The following ZYX variants were observed in gnomAD, a reference collection of about 807,000 sequenced individuals.
ZYX encodes the protein zyxin-2.
In ZYX, 37 loss-of-function variants were observed where a neutral mutation model predicts 58.1. That is an observed-to-expected ratio of 0.64 (90% CI 0.49 to 0.84). The LOEUF (loss-of-function observed/expected upper bound fraction) is 0.84. ZYX is among the 40% of genes least tolerant of loss of function. The pLI is 0.00. For missense variants in ZYX, 762 were observed against 761.6 expected, an observed-to-expected ratio of 1.00 and a Z score of -0.01; for synonymous variants, 324 against 321.1, an observed-to-expected ratio of 1.01 and a Z score of -0.10.
Position 143,384,321 on chromosome 7 carries a change from C to T in ZYX, c.1023+999C>T, listed in dbSNP as rs575772466. ...GAAAGGCTTCGAAGGATGGGCAGGA[C>T]GTAAGAATCCAGAGAGGAGAGGGAT... On this transcript the variant is annotated intron_variant, in intron 5 of 9. Coordinates refer to ENST00000322764, the MANE Select transcript of ZYX (RefSeq NM_003461.5). This position sits in a 1 kb window ranked among gnomAD's most constrained non-coding sequence, Gnocchi z 4.9. 23 of 465,984 alleles carry T rather than the reference C, an allele frequency of 4.9e-5. No homozygotes were observed. Among genetic ancestry groups the T allele is most frequent in the East Asian group, 3.5e-4 (5 of 14,296 alleles). The allele number at this position is 465,984 out of a possible 1,614,324, so 28.9% of individuals were successfully genotyped here.
Position 143,381,379 on chromosome 7 carries a change from C to T in ZYX, c.-46C>T, listed in dbSNP as rs1370402415. Reference sequence around the variant, plus strand: ...GCGGACCCGGCGCCGAGGCGGCCACCCGAGACGCGGCGCGCACGCTCCGGC... The same window carrying T: ...GCGGACCCGGCGCCGAGGCGGCCACTCGAGACGCGGCGCGCACGCTCCGGC... On this transcript the variant is annotated 5_prime_UTR_variant, in exon 1 of 10. Coordinates refer to ENST00000322764, the MANE Select transcript of ZYX (RefSeq NM_003461.5). 8.5e-7 allele frequency: 1 copy of T among 1,177,132 alleles called. No homozygotes were observed. Among genetic ancestry groups the T allele is most frequent in the Non-Finnish European group, 1.1e-6 (1 of 951,024 alleles). The allele number at this position is 1,177,132 out of a possible 1,614,324, so 72.9% of individuals were successfully genotyped here.
In ZYX at chr7:143,381,761, C is replaced by A; in HGVS notation, c.190C>A (p.Pro64Thr). ...ACAGATGGGCCGGGTGGGCGAGATT[C>A]CCCCGCCGCCCCCGGAAGGTATGCG... Reference protein sequence around the residue: ...RAQMGRVGEIPPPPPEDFPLP... With the variant: ...RAQMGRVGEITPPPPEDFPLP... The change falls in exon 2 of 10, where the codon CCC (proline) becomes ACC (threonine). Residue 64 changes from proline to threonine, a missense_variant. Physicochemically the swap from Pro to Thr is conservative, Grantham distance 38. Transcript: ENST00000322764. 6.3e-7 allele frequency: 1 copy of A among 1,576,692 alleles called. No homozygotes were observed. The highest frequency in any genetic ancestry group is 8.6e-7 in the Non-Finnish European group (1 of 1,161,544).
In ZYX at chr7:143,390,052, G is replaced by C; in HGVS notation, c.1614+75G>C. The C allele has an allele frequency of 1.3e-6, 2 of 1,583,668 alleles. No homozygotes were observed. On this transcript the variant is annotated intron_variant, in intron 9 of 9. Coordinates refer to ENST00000322764, the MANE Select transcript of ZYX (RefSeq NM_003461.5). The surrounding 1 kb of genome is among the most constrained non-coding windows in gnomAD (Gnocchi z 4.3). ...GGGAGATGCTGCTTACTAACTGGGA[G>C]GTGGAAAGCACCAGCATTCAGGAAA... is the stretch of plus-strand genomic sequence containing the variant.
In ZYX at chr7:143,388,090, G is replaced by A. The variant is rs1586570144; in HGVS notation, c.1024-129G>A. On this transcript the variant is annotated intron_variant, in intron 5 of 9. Transcript: ENST00000322764. This position sits in a 1 kb window ranked among gnomAD's most constrained non-coding sequence, Gnocchi z 7.5. ...AGGGGGACGAGGGAGAAGCTTTAAGGGTCAAGCCTGAGCATCTGGGACACG... is the reference window on the plus strand; with the variant it reads ...AGGGGGACGAGGGAGAAGCTTTAAGAGTCAAGCCTGAGCATCTGGGACACG... The A allele has an allele frequency of 2.8e-5, 32 of 1,162,670 alleles. No individual in the cohort carries two copies. The East Asian group carries it at 8.3e-4, about 30-fold the overall frequency. 72.0% of individuals were successfully genotyped at this position (1,162,670 alleles called of 1,614,324 possible).
intron 5 of ZYX, among the ~76,000 whole-genome samples, chr7:143,386,509 G>T (rs116466826): frequency 0.016 from 2,394 of 152,198 alleles, 76 homozygotes; most frequent in African/African-American, 0.055. Flanking sequence ...GTGAGCTCAC[G>T]CTGCAGTGTT....
chr7:143,381,719 C>T lies in ZYX; in HGVS notation c.148C>T (p.Pro50Ser). The change falls in exon 2 of 10, where the codon CCC becomes TCC. Residue 50 changes from proline (P) to serine (S), a missense_variant. Coordinates refer to ENST00000322764, the MANE Select transcript of ZYX (RefSeq NM_003461.5). ...RPGDSEPPPA[P>S]GAQRAQMGRV... ...CGGGGACAGCGAGCCTCCCCCGGCACCCGGGGCCCAGCGCGCACAGATGGG... is the reference window on the plus strand; with the variant it reads ...CGGGGACAGCGAGCCTCCCCCGGCATCCGGGGCCCAGCGCGCACAGATGGG... 6.2e-7 allele frequency: 1 copy of T among 1,602,190 alleles called. No individual in the cohort carries two copies. Among genetic ancestry groups the T allele is most frequent in the Non-Finnish European group, 8.5e-7 (1 of 1,175,050 alleles).
In ZYX at chr7:143,390,817, G is replaced by T. The variant is rs1273644187; in HGVS notation, c.*135G>T. ...TTCCAACCCCTCCCTAGCATCCCAG[G>T]TGCCCTGACCCAGGACCCAACATGG... On this transcript the variant is annotated 3_prime_UTR_variant, in exon 10 of 10. Transcript: ENST00000322764. The surrounding 1 kb of genome is among the most constrained non-coding windows in gnomAD (Gnocchi z 4.3). 5.7e-6 allele frequency: 4 copies of T among 707,786 alleles called. No homozygotes were observed. The highest frequency in any genetic ancestry group is 9.7e-6 in the Non-Finnish European group (4 of 410,914). 43.8% of individuals were successfully genotyped at this position (707,786 alleles called of 1,614,324 possible).
chr7:143,381,715 G>A lies in ZYX; in HGVS notation c.144G>A (p.Pro48=). ...PFRPGDSEPP[P]APGAQRAQMG... is the part of the protein sequence containing the mutation. The stretch of plus-strand genomic sequence containing the variant: ...GGCCCGGGGACAGCGAGCCTCCCCC[G>A]GCACCCGGGGCCCAGCGCGCACAGA... The change falls in exon 2 of 10, where the codon CCG becomes CCA. Residue 48 remains proline, a synonymous_variant. Coordinates refer to ENST00000322764, the MANE Select transcript of ZYX (RefSeq NM_003461.5). 6.2e-7 allele frequency: 1 copy of A among 1,602,154 alleles called. No individual in the cohort carries two copies. Among genetic ancestry groups the A allele is most frequent in the Non-Finnish European group, 8.5e-7 (1 of 1,174,942 alleles).
intron 1 of ZYX, 62 bp from the exon 2 acceptor site, chr7:143,381,495 C>T (rs570655425): frequency 1.3e-6 from 2 of 1,497,738 alleles, no homozygotes; most frequent in African/African-American, 1.4e-5. Flanking sequence ...CCAAGGGGAG[C>T]TGGGACCGCC....
Position 143,388,536 on chromosome 7 carries a change from G to T in ZYX, c.1192G>T (p.Val398Phe). 6.2e-7 allele frequency: 1 copy of T among 1,610,708 alleles called. No individual in the cohort carries two copies. Among genetic ancestry groups the T allele is most frequent in the Non-Finnish European group, 8.5e-7 (1 of 1,179,940 alleles). Residue 398 changes from valine (V) to phenylalanine (F), a missense_variant, in exon 7 of 10, where the codon GTC becomes TTC. Transcript: ENST00000322764. The surrounding 1 kb of genome is among the most constrained non-coding windows in gnomAD (Gnocchi z 7.5). ...HQPLARAQPA[V>F]RALGQLFHIA... Reference sequence around the variant, plus strand: ...ACCCCTGGCCCGGGCGCAGCCAGCCGTCCGCGCTCTAGGGCAGCTGTTCCA... The same window carrying T: ...ACCCCTGGCCCGGGCGCAGCCAGCCTTCCGCGCTCTAGGGCAGCTGTTCCA...
chr7:143,387,810 G>T lies in ZYX; in HGVS notation c.1024-409G>T. 1 of 475,708 alleles carries T rather than the reference G, an allele frequency of 2.1e-6. No homozygotes were observed. The allele number at this position is 475,708 out of a possible 1,614,324, so 29.5% of individuals were successfully genotyped here. ...CGGGTAGGTGTGTGTGCGCGTGTGT[G>T]CACGCCATTGCGTGCCCCTGTCCCA... On this transcript the variant is annotated intron_variant, in intron 5 of 9. Coordinates refer to ENST00000322764, the MANE Select transcript of ZYX (RefSeq NM_003461.5). This position sits in a 1 kb window ranked among gnomAD's most constrained non-coding sequence, Gnocchi z 5.8.
At position 143,389,149 on chromosome 7, in the gene ZYX, G is replaced by T. The variant is rs1315601047; in HGVS notation, c.1493+204G>T. Among the ~76,000 whole-genome samples, 2 of 152,218 alleles carry T rather than the reference G, an allele frequency of 1.3e-5. No individual in the cohort carries two copies. The highest frequency in any genetic ancestry group is 4.8e-5 in the African/African-American group (2 of 41,446). ...TGGGCATCGAGTCCTGCTGCTGTCT[G>T]GTCCCTCCCTCGCCCTTGATCACTG... is the stretch of plus-strand genomic sequence containing the variant. On this transcript the variant is annotated intron_variant, in intron 8 of 9. Coordinates refer to ENST00000322764, the MANE Select transcript of ZYX (RefSeq NM_003461.5). This position sits in a 1 kb window ranked among gnomAD's most constrained non-coding sequence, Gnocchi z 5.6.
In ZYX at chr7:143,385,660, C is replaced by CTTTTTTTTTTTTTTTTTTTTTTTTTTTTT. The variant is rs59995035; in HGVS notation, c.1023+2364_1023+2365insTTTTTTTTTTTTTTTTTTTTTTTTTTTTT. Among the ~76,000 whole-genome samples, 6 of 68,966 alleles carry CTTTTTTTTTTTTTTTTTTTTTTTTTTTTT rather than the reference C, an allele frequency of 8.7e-5. No individual in the cohort carries two copies. The South Asian group carries it at 2.8e-3, about 32-fold the overall frequency. 45.2% of individuals were successfully genotyped at this position (68,966 alleles called of 152,430 possible). A position where few individuals can be genotyped will look rare whatever the true frequency, so the allele number is the denominator to read the frequency against. ...TGTGTGAGCGTGTGGTGTGGTATAT[C>CTTTTTTTTTTTTTTTTTTTTTTTTTTTTT]TTTTTTTTTTTTTTTTTTTTTTTTT... On this transcript the variant is annotated intron_variant, in intron 5 of 9. Transcript: ENST00000322764.
chr7:143,383,951 A>C (rs894059456), intron 5 of ZYX: 9 of 251,302 alleles, frequency 3.6e-5, no homozygotes, highest in South Asian at 3.3e-4. Flanking sequence ...TCAGTTTCTC[A>C]ATCTTTAACA....
chr7:143,386,442 C>CT (rs1804869972), intron 5 of ZYX, among the ~76,000 whole-genome samples: 1 of 151,996 alleles, frequency 6.6e-6, no homozygotes, highest in Non-Finnish European at 1.5e-5. Flanking sequence ...ATGGAGAGGT[C>CT]TGGAACGGCT....
chr7:143,388,204 A>C lies in ZYX; in HGVS notation c.1024-15A>C. On this transcript the variant is annotated splice_polypyrimidine_tract_variant and intron_variant, in intron 5 of 9. Transcript: ENST00000322764. The surrounding 1 kb of genome is among the most constrained non-coding windows in gnomAD (Gnocchi z 7.5). The stretch of plus-strand genomic sequence containing the variant: ...AGCAGCCCTCTAGAGTGTGAGGAAA[A>C]TGTTGGGATTGCAGGTGCGCTCCCC... The C allele has an allele frequency of 6.3e-7, 1 of 1,587,774 alleles. No individual in the cohort carries two copies. Among genetic ancestry groups the C allele is most frequent in the Non-Finnish European group, 8.6e-7 (1 of 1,166,960 alleles).
Position 143,388,522 on chromosome 7 carries a change from G to T in ZYX, c.1178G>T (p.Arg393Leu), listed in dbSNP as rs769718724. The T allele has an allele frequency of 4.3e-6, 7 of 1,610,276 alleles. No individual in the cohort carries two copies. The highest frequency in any genetic ancestry group is 1.7e-6 in the Non-Finnish European group (2 of 1,179,888). Residue 393 changes from arginine to leucine, a missense_variant, in exon 7 of 10, where the codon CGG (arginine) becomes CTG (leucine). Physicochemically the swap from Arg to Leu is moderately radical, Grantham distance 102 (BLOSUM62 -2). Transcript: ENST00000322764. This position sits in a 1 kb window ranked among gnomAD's most constrained non-coding sequence, Gnocchi z 7.5. ...LCGRCHQPLA[R>L]AQPAVRALGQ... ...GGCCGATGCCATCAACCCCTGGCCC[G>T]GGCGCAGCCAGCCGTCCGCGCTCTA...
chr7:143,382,664 G>A lies in ZYX; in HGVS notation c.480G>A (p.Lys160=). ...SLSSLLDDMT[K]NDPFKARVSS... ...CCTCACTGCTGGATGACATGACCAA[G>A]AATGATCCTTTCAAAGCCCGGGTAA... The change falls in exon 4 of 10, where the codon AAG becomes AAA. Residue 160 remains lysine (K), a synonymous_variant. Transcript: ENST00000322764. 1 of 1,614,118 alleles carries A rather than the reference G, an allele frequency of 6.2e-7. No individual in the cohort carries two copies. The highest frequency in any genetic ancestry group is 8.5e-7 in the Non-Finnish European group (1 of 1,179,992).
chr7:143,381,841 G>A (rs1007353017), intron 2 of ZYX, 62 bp downstream of exon 2: 6 of 1,410,116 alleles, frequency 4.3e-6, no homozygotes, highest in Non-Finnish European at 5.7e-6. Context: ...CAGTCGTTTC[G>A]GGAATTTGGG....
Sources: gnomAD v4.1 joint callset for allele counts (sites outside exome capture counted in the v4.1 genomes callset) on GRCh38, gnomAD v4.1.1 for gene constraint, Gnocchi (gnomAD v3.1) non-coding constraint, MANE v1.5 for transcripts, NCBI Gene and HGNC (gene_info 2026-07-23, HGNC 2026-07-21) for gene names.